The following LRP1B variants were observed in gnomAD, a reference collection of about 807,000 sequenced individuals.
LRP1B encodes the protein low-density lipoprotein receptor-related protein 1B.
Under a neutral mutation model 556.6 loss-of-function variants are expected in LRP1B, and 217 were observed. The observed-to-expected ratio is 0.39, with a 90% confidence interval of 0.35 to 0.44. LRP1B has a LOEUF of 0.44. Ranked by LOEUF, LRP1B falls within the 20% of genes least tolerant of loss-of-function variation. The probability of loss-of-function intolerance (pLI) is 1.00; values close to 1 mark genes in which losing one functional copy is unlikely to be tolerated. For synonymous variants in LRP1B, 2,047 were observed against 1,865.8 expected, an observed-to-expected ratio of 1.10 and a Z score of -2.50; for missense variants, 5,053 against 5,620.8, an observed-to-expected ratio of 0.90 and a Z score of 3.23.
intron 25 of LRP1B, among the ~76,000 whole-genome samples, chr2:140,869,612 G>C (rs988823565): frequency 1.3e-5 from 2 of 152,106 alleles, no homozygotes; most frequent in Non-Finnish European, 1.5e-5. Context: ...CTAGAGTATG[G>C]TGGTGGCAAT....
At chr2:140,548,976 G>A (rs1452958168) in intron 43 of LRP1B, among the ~76,000 whole-genome samples, 3 of 151,934 alleles carry the variant, frequency 2.0e-5, no homozygotes, top group African/African-American at 4.8e-5. Context: ...GTAAATTATT[G>A]TGAGGTAATT....
At chr2:140,962,389 TA>T (rs1216152576) in intron 18 of LRP1B, among the ~76,000 whole-genome samples, 1 of 152,208 alleles carries the variant, frequency 6.6e-6, no homozygotes, top group Non-Finnish European at 1.5e-5. Context: ...AGAGCAGGTC[TA>T]ATGTGGACTC....
At chr2:141,032,826 C>CATACATACATACATATATATAT in intron 11 of LRP1B, among the ~76,000 whole-genome samples, 3 of 126,608 alleles carry the variant, frequency 2.4e-5, no homozygotes, top group Non-Finnish European at 5.0e-5. Flanking sequence ...TATATACATA[C>CATACATACATACATATATATAT]ATATATATAT....
At chr2:141,760,509 G>C (rs1414478109) in intron 2 of LRP1B, among the ~76,000 whole-genome samples, 4 of 152,112 alleles carry the variant, frequency 2.6e-5, no homozygotes, top group Non-Finnish European at 5.9e-5. Flanking sequence ...TGTAAAACAA[G>C]CTGCTCAACA....
chr2:141,792,377 G>T (rs76897920), intron 2 of LRP1B, among the ~76,000 whole-genome samples: 3,176 of 151,968 alleles, frequency 0.021, 47 homozygotes, highest in Middle Eastern at 0.034. Context: ...CCTTAAAAAA[G>T]AAAGTGCAGA....
At chr2:140,354,742 A>C (rs1682132531) in intron 75 of LRP1B, among the ~76,000 whole-genome samples, 1 of 152,010 alleles carries the variant, frequency 6.6e-6, no homozygotes, top group Non-Finnish European at 1.5e-5. Context: ...GGATGGAGGA[A>C]TTCCACACAT....
At chr2:140,823,277 A>G (rs920929764) in intron 31 of LRP1B, among the ~76,000 whole-genome samples, 8 of 123,450 alleles carry the variant, frequency 6.5e-5, no homozygotes, top group African/African-American at 2.2e-4. Flanking sequence ...AAGAAATTCA[A>G]TTGAACAGTG....
intron 3 of LRP1B, among the ~76,000 whole-genome samples, chr2:141,463,872 ATAT>A (rs149850276): frequency 0.24 from 35,635 of 146,072 alleles, 5,226 homozygotes; most frequent in East Asian, 0.51. Flanking sequence ...TATATATAAT[ATAT>A]ATCATTTTAT....
chr2:141,120,865 G>A (rs1701030167), intron 7 of LRP1B, among the ~76,000 whole-genome samples: 1 of 151,980 alleles, frequency 6.6e-6, no homozygotes. Flanking sequence ...GAGGTATTAA[G>A]TAAGATGCTT....
At chr2:140,678,770 C>CTT (rs35395485) in intron 41 of LRP1B, among the ~76,000 whole-genome samples, 6,334 of 136,112 alleles carry the variant, frequency 0.047, 232 homozygotes, top group African/African-American at 0.092. Flanking sequence ...TTCAATCTCC[C>CTT]TTTTTTTTTT....
intron 1 of LRP1B, among the ~76,000 whole-genome samples, chr2:141,928,579 C>G (rs894476353): frequency 6.6e-6 from 1 of 152,130 alleles, no homozygotes; most frequent in Non-Finnish European, 1.5e-5. Context: ...GGCAGACATT[C>G]TGAGTCAAAC....
intron 1 of LRP1B, among the ~76,000 whole-genome samples, chr2:142,119,623 A>G (rs941840047): frequency 1.3e-5 from 2 of 152,182 alleles, no homozygotes; most frequent in East Asian, 3.9e-4. Context: ...GGGTAATTCA[A>G]TCAGCTTAAC....
chr2:140,846,092 C>A (rs1256841583), intron 29 of LRP1B, among the ~76,000 whole-genome samples: 1 of 151,906 alleles, frequency 6.6e-6, no homozygotes, highest in African/African-American at 2.4e-5. Flanking sequence ...AGCTAGAGAG[C>A]AAAGAGACAT....
chr2:141,442,677 G>A (rs1304326613), intron 3 of LRP1B, among the ~76,000 whole-genome samples: 2 of 152,052 alleles, frequency 1.3e-5, no homozygotes, highest in African/African-American at 4.8e-5. Context: ...AGAACACGCG[G>A]TGTTTGATTT....
intron 77 of LRP1B, among the ~76,000 whole-genome samples, chr2:140,348,876 G>A (rs911274366): frequency 4.6e-5 from 7 of 151,944 alleles, no homozygotes; most frequent in African/African-American, 1.2e-4. Context: ...CTAGAACAGC[G>A]GTCCCCAACC....
At chr2:140,588,322 G>T (rs72977922) in intron 43 of LRP1B, among the ~76,000 whole-genome samples, 23 of 152,126 alleles carry the variant, frequency 1.5e-4, no homozygotes, top group African/African-American at 5.3e-4. Flanking sequence ...GGGATGTAAA[G>T]TTTCTATGCT....
intron 32 of LRP1B, among the ~76,000 whole-genome samples, chr2:140,781,796 C>T (rs1689707696): frequency 6.6e-6 from 1 of 152,214 alleles, no homozygotes; most frequent in South Asian, 2.1e-4. Context: ...CAGACTAGCA[C>T]AGCCCACACT....
At chr2:140,687,585 T>C (rs7570942) in intron 41 of LRP1B, among the ~76,000 whole-genome samples, 29,570 of 151,916 alleles carry the variant, frequency 0.19, 3,229 homozygotes, top group African/African-American at 0.29. Flanking sequence ...ATTTTTTTTT[T>C]AGTACAAGTT....
intron 2 of LRP1B, among the ~76,000 whole-genome samples, chr2:141,763,809 T>C (rs771102567): frequency 9.9e-5 from 15 of 152,146 alleles, no homozygotes; most frequent in Non-Finnish European, 2.1e-4. Flanking sequence ...GAATATATAA[T>C]GGTAAAACCA....
Sources: gnomAD v4.1 joint callset for allele counts (sites outside exome capture counted in the v4.1 genomes callset) on GRCh38, gnomAD v4.1.1 for gene constraint, MANE v1.5 for transcripts, NCBI Gene and HGNC (gene_info 2026-07-23, HGNC 2026-07-21) for gene names.